MEX3C: variants seen among roughly 807,000 people sequenced by gnomAD.
MEX3C encodes the protein mex-3 RNA binding family member C, also known as RNA-binding E3 ubiquitin-protein ligase MEX3C.
A neutral mutation model predicts 35.5 loss-of-function variants in MEX3C; 15 were observed. That is an observed-to-expected ratio of 0.42 (90% CI 0.28 to 0.65). The LOEUF is 0.65. Ranked by LOEUF, MEX3C falls within the 30% of genes least tolerant of loss-of-function variation. The pLI is 0.20. For missense variants in MEX3C, 711 were observed against 842.8 expected (o/e 0.84, Z 1.94); for synonymous variants, 390 against 352.8 (o/e 1.11, Z -1.18).
chr18:51,176,304 C>A lies in MEX3C; in HGVS notation c.*47G>T. On this transcript the variant is annotated 3_prime_UTR_variant, in exon 2 of 2. Transcript: ENST00000406189. ...CTGGGGGGTACCATTATACCCATGC[C>A]TTTACGAGTCCATATAGAGATATAG... The A allele has an allele frequency of 6.7e-7, 1 of 1,495,042 alleles. No homozygotes were observed. The highest frequency in any genetic ancestry group is 2.4e-5 in the East Asian group (1 of 41,074). The allele number at this position is 1,495,042 out of a possible 1,614,324, so 92.6% of individuals were successfully genotyped here.
intron 1 of MEX3C, among the ~76,000 whole-genome samples, chr18:51,183,283 C>T (rs184621064): frequency 5.9e-5 from 9 of 152,284 alleles, no homozygotes; most frequent in Admixed American, 5.2e-4. Flanking sequence ...TTTTAAACCA[C>T]GGTTCATTTA....
chr18:51,179,598 C>T (rs1653674068), intron 1 of MEX3C, among the ~76,000 whole-genome samples: 1 of 117,178 alleles, frequency 8.5e-6, no homozygotes, highest in Admixed American at 9.3e-5. Flanking sequence ...AAATCGGAGG[C>T]TTTTTGAGCA....
chr18:51,185,611 C>T (rs1019431600), intron 1 of MEX3C, among the ~76,000 whole-genome samples: 6 of 152,140 alleles, frequency 3.9e-5, no homozygotes, highest in African/African-American at 1.2e-4. Flanking sequence ...TTTCTCCTTT[C>T]CTTCAATTAT....
Position 51,175,250 on chromosome 18 carries a change from CCAGCA to C in MEX3C, c.*1096_*1100del, listed in dbSNP as rs1355370532. On this transcript the variant is annotated 3_prime_UTR_variant, in exon 2 of 2. Coordinates refer to ENST00000406189, the MANE Select transcript of MEX3C (RefSeq NM_016626.5). ...AGTATAATGTTTTGTCCTTTCAATG[CCAGCA>C]CAGATTTGGGAACATACTGAGGATG... 6.6e-6 allele frequency: 1 copy of C among 152,396 alleles called. No individual in the cohort carries two copies. The highest frequency in any genetic ancestry group is 1.9e-4 in the East Asian group (1 of 5,194). The allele number at this position is 152,396 out of a possible 1,614,324, so 9.4% of individuals were successfully genotyped here.
chr18:51,176,134 A>C lies in MEX3C; in HGVS notation c.*217T>G. ...AACTATGTCTCTGGGTCTACAGGAT[A>C]GTACTAATAATTCAAACCAAACTAA... On this transcript the variant is annotated 3_prime_UTR_variant, in exon 2 of 2. Transcript: ENST00000406189. 1 of 482,794 alleles carries C rather than the reference A, an allele frequency of 2.1e-6. No individual in the cohort carries two copies. The highest frequency in any genetic ancestry group is 3.7e-5 in the South Asian group (1 of 27,166). The allele number at this position is 482,794 out of a possible 1,614,324, so 29.9% of individuals were successfully genotyped here.
chr18:51,175,083 CTCT>C lies in MEX3C; in HGVS notation c.*1265_*1267del, dbSNP rs1392882478. 2 of 152,432 alleles carry C rather than the reference CTCT, an allele frequency of 1.3e-5. No individual in the cohort carries two copies. The highest frequency in any genetic ancestry group is 2.9e-5 in the Non-Finnish European group (2 of 68,000). 9.4% of individuals were successfully genotyped at this position (152,432 alleles called of 1,614,324 possible). Reference sequence around the variant, plus strand: ...TTGTAAACTTTTATACGAAATGTAACTCTTCAAGTGGAAATAAAAAATAAAATT... The same window carrying C: ...TTGTAAACTTTTATACGAAATGTAACTCAAGTGGAAATAAAAAATAAAATT... On this transcript the variant is annotated 3_prime_UTR_variant, in exon 2 of 2. Coordinates refer to ENST00000406189, the MANE Select transcript of MEX3C (RefSeq NM_016626.5).
intron 1 of MEX3C, among the ~76,000 whole-genome samples, chr18:51,186,164 T>TAAA (rs1912532801): frequency 6.6e-6 from 1 of 152,158 alleles, no homozygotes; most frequent in Admixed American, 6.5e-5. Context: ...AAATTCCCTA[T>TAAA]AAAGATGCTA....
intron 1 of MEX3C, among the ~76,000 whole-genome samples, chr18:51,182,926 T>A (rs1221618507): frequency 2.0e-5 from 3 of 152,250 alleles, no homozygotes. Context: ...CAGAAAAGTT[T>A]AAAACCACTA....
At chr18:51,193,067 G>A (rs1372913595) in intron 1 of MEX3C, 3 of 152,174 alleles carry the variant, frequency 2.0e-5, no homozygotes, top group Non-Finnish European at 2.9e-5. Context: ...TCCACCCTAA[G>A]AAATTGGGAA....
intron 1 of MEX3C, chr18:51,195,389 T>C (rs893040346): frequency 6.6e-6 from 1 of 152,214 alleles, no homozygotes; most frequent in Non-Finnish European, 1.5e-5. Flanking sequence ...AGATTTCAGA[T>C]GAGTTTTTAT....
intron 1 of MEX3C, among the ~76,000 whole-genome samples, chr18:51,186,165 A>T (rs764870616): frequency 6.6e-6 from 1 of 152,208 alleles, no homozygotes; most frequent in Non-Finnish European, 1.5e-5. Context: ...AATTCCCTAT[A>T]AAGATGCTAG....
At chr18:51,194,304 C>CT (rs1223506571) in intron 1 of MEX3C, 1 of 152,158 alleles carries the variant, frequency 6.6e-6, no homozygotes, top group Non-Finnish European at 1.5e-5. Flanking sequence ...TGATGACATA[C>CT]TTTTAACAGT....
At chr18:51,186,141 C>A (rs1912532404) in intron 1 of MEX3C, among the ~76,000 whole-genome samples, 1 of 152,058 alleles carries the variant, frequency 6.6e-6, no homozygotes, top group Non-Finnish European at 1.5e-5. Flanking sequence ...CTGAACTTAC[C>A]CATTCACATG....
In MEX3C at chr18:51,177,622, G is replaced by GATAT. The variant is rs1238163495; in HGVS notation, c.755-50_755-47dup. On this transcript the variant is annotated intron_variant, in intron 1 of 1. Coordinates refer to ENST00000406189, the MANE Select transcript of MEX3C (RefSeq NM_016626.5). The surrounding 1 kb of genome is among the most constrained non-coding windows in gnomAD (Gnocchi z 4.2). ...CATAAGAATCAACATCTACTTCAAT[G>GATAT]ATATATATAAAGACAAATCACAGAA... The GATAT allele has an allele frequency of 6.5e-7, 1 of 1,527,364 alleles. No homozygotes were observed. The highest frequency in any genetic ancestry group is 1.4e-5 in the African/African-American group (1 of 71,974). 94.6% of individuals were successfully genotyped at this position (1,527,364 alleles called of 1,614,324 possible).
chr18:51,190,629 G>T (rs1037532010), intron 1 of MEX3C, among the ~76,000 whole-genome samples: 1 of 152,182 alleles, frequency 6.6e-6, no homozygotes, highest in African/African-American at 2.4e-5. Flanking sequence ...ACAAACACTT[G>T]AAGTGTCCTT....
At chr18:51,179,282 G>A (rs1189527028) in intron 1 of MEX3C, among the ~76,000 whole-genome samples, 1 of 152,108 alleles carries the variant, frequency 6.6e-6, no homozygotes, top group South Asian at 2.1e-4. Context: ...GATTACAGGC[G>A]GGAGCCACCG....
At chr18:51,191,343 T>A (rs962610422) in intron 1 of MEX3C, among the ~76,000 whole-genome samples, 1 of 152,182 alleles carries the variant, frequency 6.6e-6, no homozygotes, top group African/African-American at 2.4e-5. Context: ...TGCTGTAGTC[T>A]TTCATCTTCT....
At chr18:51,179,111 C>T (rs1400484499) in intron 1 of MEX3C, among the ~76,000 whole-genome samples, 2 of 151,360 alleles carry the variant, frequency 1.3e-5, no homozygotes, top group African/African-American at 4.9e-5. Context: ...TCCAGTGATT[C>T]TCCTGCCCCA....
At chr18:51,183,530 G>C (rs1391123148) in intron 1 of MEX3C, among the ~76,000 whole-genome samples, 1 of 152,222 alleles carries the variant, frequency 6.6e-6, no homozygotes, top group East Asian at 1.9e-4. Flanking sequence ...CCTGGGCCTA[G>C]TATGTACACA....
Sources: gnomAD v4.1 joint callset for allele counts (sites outside exome capture counted in the v4.1 genomes callset) on GRCh38, gnomAD v4.1.1 for gene constraint, Gnocchi (gnomAD v3.1) non-coding constraint, MANE v1.5 for transcripts, NCBI Gene and HGNC (gene_info 2026-07-23, HGNC 2026-07-21) for gene names.